FBLN2: variants seen among roughly 807,000 people sequenced by gnomAD.
FBLN2 encodes fibulin-2.
A neutral mutation model predicts 123.7 loss-of-function variants in FBLN2; 81 were observed. The ratio of observed to expected loss-of-function variants is 0.65; its 90% CI spans 0.55 to 0.79. The LOEUF (loss-of-function observed/expected upper bound fraction) is 0.79. FBLN2 is among the 30% of genes least tolerant of loss of function. The pLI is 0.00. For synonymous variants in FBLN2, 699 were observed against 701.4 expected (o/e 1.00, Z 0.05); for missense variants, 1,603 against 1,681.3 (o/e 0.95, Z 0.81).
At chr3:13,592,427 G>T (rs1704707536) in intron 2 of FBLN2, among the ~76,000 whole-genome samples, 1 of 152,322 alleles carries the variant, frequency 6.6e-6, no homozygotes, top group South Asian at 2.1e-4. Context: ...ATATCTGCTA[G>T]TGAGAGTTTT....
chr3:13,607,886 C>T (rs967420913), intron 2 of FBLN2, among the ~76,000 whole-genome samples, 176 bp from the exon 3 acceptor site: 3 of 152,174 alleles, frequency 2.0e-5, no homozygotes, highest in African/African-American at 4.8e-5. Context: ...GAGGACTCCA[C>T]CTCGCAGACA....
At chr3:13,608,266 A>G in intron 3 of FBLN2, 93 bp downstream of exon 3, 1 of 841,438 alleles carries the variant, frequency 1.2e-6, no homozygotes, top group African/African-American at 1.7e-5. Flanking sequence ...CAGCCCGGAG[A>G]GAGTGCACCT....
intron 1 of FBLN2, among the ~76,000 whole-genome samples, chr3:13,551,834 C>T (rs1160248463): frequency 7.4e-6 from 1 of 135,784 alleles, no homozygotes; most frequent in Non-Finnish European, 1.5e-5. Flanking sequence ...GCCACCGTGC[C>T]CGGCCCCTCC....
intron 16 of FBLN2, 106 bp from the exon 17 acceptor site, chr3:13,636,339 C>A: frequency 7.1e-7 from 1 of 1,418,294 alleles, no homozygotes; most frequent in Non-Finnish European, 9.5e-7. Flanking sequence ...GGGCTATTCT[C>A]ACAGGTCCGG....
chr3:13,572,303 C>T (rs1703988983), intron 2 of FBLN2, among the ~76,000 whole-genome samples: 1 of 152,248 alleles, frequency 6.6e-6, no homozygotes, highest in Admixed American at 6.5e-5. Flanking sequence ...GCTGTACCCT[C>T]ACTCCATGGA....
At chr3:13,619,247 A>G (rs527792808) in intron 7 of FBLN2, among the ~76,000 whole-genome samples, 2 of 152,050 alleles carry the variant, frequency 1.3e-5, no homozygotes, top group South Asian at 4.1e-4. Context: ...TGTGACCCCA[A>G]ACCAGCCAGT....
intron 2 of FBLN2, among the ~76,000 whole-genome samples, chr3:13,583,432 C>T (rs1025047725): frequency 2.0e-5 from 3 of 152,240 alleles, no homozygotes; most frequent in African/African-American, 4.8e-5. Flanking sequence ...CCCCCTGCAC[C>T]GGGCACTTCC....
chr3:13,579,556 G>A (rs975807419), intron 2 of FBLN2, among the ~76,000 whole-genome samples: 1 of 152,228 alleles, frequency 6.6e-6, no homozygotes, highest in Admixed American at 6.5e-5. Flanking sequence ...GACGCACAGC[G>A]TTCTGTTCTA....
intron 1 of FBLN2, among the ~76,000 whole-genome samples, chr3:13,553,871 T>C (rs1199680085): frequency 3.3e-5 from 5 of 152,226 alleles, no homozygotes; most frequent in African/African-American, 1.2e-4. Context: ...GTCTCACACC[T>C]TGTCGGGCTT....
intron 16 of FBLN2, among the ~76,000 whole-genome samples, chr3:13,633,345 C>T (rs1463333794): frequency 6.6e-6 from 1 of 152,272 alleles, no homozygotes; most frequent in African/African-American, 2.4e-5. Flanking sequence ...AGGCCAGGTC[C>T]CCTCTGCAGG....
intron 5 of FBLN2, among the ~76,000 whole-genome samples, chr3:13,617,171 CATCCATCT>C (rs1414874801): frequency 9.9e-5 from 15 of 151,420 alleles, no homozygotes; most frequent in African/African-American, 3.2e-4. Context: ...TCCATCCATC[CATCCATCT>C]ATCCATCCAT....
At position 13,619,721 on chromosome 3, in the gene FBLN2, T is replaced by A. The variant is rs767301922; in HGVS notation, c.2054-9T>A. On this transcript the variant is annotated splice_polypyrimidine_tract_variant and intron_variant, in intron 7 of 17. Transcript: ENST00000404922. ...TGGTGGTCTCTGATTTCTGTGTGGTTTCCTCCAGACAATGGACCCTGCAAG... is the reference window on the plus strand; with the variant it reads ...TGGTGGTCTCTGATTTCTGTGTGGTATCCTCCAGACAATGGACCCTGCAAG... 9.7e-5 allele frequency: 156 copies of A among 1,611,992 alleles called. 1 individual carries two copies. In the East Asian group the frequency reaches 3.5e-3, roughly 36 times the overall value.
chr3:13,602,349 C>T (rs2124871869), intron 2 of FBLN2, among the ~76,000 whole-genome samples: 1 of 152,264 alleles, frequency 6.6e-6, no homozygotes, highest in Admixed American at 6.5e-5. Context: ...TATTCTGATA[C>T]CGTTAGAGAA....
In FBLN2 at chr3:13,614,014, C is replaced by A. The variant is rs374038389; in HGVS notation, c.1579C>A (p.Arg527Ser). Reference sequence around the variant, plus strand: ...CTGTGACTGCTGTGGCCTGGGCCTCCGCGTGCGGGCCGAGGGCCAGTCGTG... The same window carrying A: ...CTGTGACTGCTGTGGCCTGGGCCTCAGCGTGCGGGCCGAGGGCCAGTCGTG... ...QCCDCCGLGL[R>S]VRAEGQSCES... Residue 527 changes from arginine (R) to serine (S), a missense_variant, in exon 5 of 18, where the codon CGC becomes AGC. Transcript: ENST00000404922. The A allele has an allele frequency of 1.2e-6, 2 of 1,612,950 alleles. No homozygotes were observed. Among genetic ancestry groups the A allele is most frequent in the Non-Finnish European group, 8.5e-7 (1 of 1,179,864 alleles).
At chr3:13,605,517 T>G (rs1431435726) in intron 2 of FBLN2, among the ~76,000 whole-genome samples, 1 of 152,228 alleles carries the variant, frequency 6.6e-6, no homozygotes, top group African/African-American at 2.4e-5. Context: ...TGTGTCCAGC[T>G]CATGCTGCTG....
At chr3:13,607,233 G>A (rs981347154) in intron 2 of FBLN2, among the ~76,000 whole-genome samples, 16 of 152,100 alleles carry the variant, frequency 1.1e-4, no homozygotes, top group South Asian at 4.2e-4. Flanking sequence ...TGATCTGCCC[G>A]CCTCAGCCTC....
chr3:13,585,313 C>G (rs1372437169), intron 2 of FBLN2, among the ~76,000 whole-genome samples: 3 of 152,172 alleles, frequency 2.0e-5, no homozygotes, highest in Admixed American at 2.0e-4. Flanking sequence ...GATTGCTTCA[C>G]TTTGAGTGTG....
chr3:13,562,703 C>T (rs1473882273), intron 1 of FBLN2, among the ~76,000 whole-genome samples: 1 of 152,164 alleles, frequency 6.6e-6, no homozygotes, highest in Non-Finnish European at 1.5e-5. Flanking sequence ...TGGAAGTTCA[C>T]GTTGTGCAGC....
chr3:13,570,844 T>C lies in FBLN2; in HGVS notation c.489T>C (p.Pro163=), dbSNP rs1490604889. 1.2e-6 allele frequency: 2 copies of C among 1,608,762 alleles called. No homozygotes were observed. The highest frequency in any genetic ancestry group is 1.1e-5 in the South Asian group (1 of 90,164). The change falls in exon 2 of 18, where the codon CCT becomes CCC. Residue 163 remains proline, a synonymous_variant. Transcript: ENST00000404922. ...HLPPCRACHC[P]DAGGELICYQ... ...CGCCCTGCCGGGCCTGCCACTGCCC[T>C]GACGCCGGTGGAGAGCTCATCTGCT... is the stretch of plus-strand genomic sequence containing the variant.
Sources: gnomAD v4.1 joint callset for allele counts (sites outside exome capture counted in the v4.1 genomes callset) on GRCh38, gnomAD v4.1.1 for gene constraint, MANE v1.5 for transcripts, NCBI Gene and HGNC (gene_info 2026-07-23, HGNC 2026-07-21) for gene names.